Variants in EPC2 observed in about 807,000 individuals in gnomAD.
The protein encoded by EPC2 is enhancer of polycomb 2.
Under a neutral mutation model 92.1 loss-of-function variants are expected in EPC2, and 14 were observed. The ratio of observed to expected loss-of-function variants is 0.15; its 90% CI spans 0.10 to 0.24. EPC2 has a LOEUF of 0.24. Ranked by LOEUF, EPC2 falls within the 10% of genes least tolerant of loss-of-function variation. The pLI, the probability that EPC2 is intolerant of heterozygous loss-of-function variation, is 1.00. For synonymous variants in EPC2, 340 were observed against 334.7 expected (o/e 1.02, Z -0.17); for missense variants, 755 against 971.5 (o/e 0.78, Z 2.96).
At chr2:148,650,285 A>G (rs1680651260) in intron 1 of EPC2, among the ~76,000 whole-genome samples, 1 of 152,076 alleles carries the variant, frequency 6.6e-6, no homozygotes, top group Admixed American at 6.6e-5. Flanking sequence ...CCCAATATCT[A>G]TCTATATATA....
At chr2:148,781,452 G>A (rs1683745769) in intron 10 of EPC2, among the ~76,000 whole-genome samples, 192 bp from the exon 11 acceptor site, 1 of 152,138 alleles carries the variant, frequency 6.6e-6, no homozygotes, top group Non-Finnish European at 1.5e-5. Flanking sequence ...ATGTGATGGA[G>A]ATTATAAATA....
intron 3 of EPC2, among the ~76,000 whole-genome samples, chr2:148,748,498 T>C (rs1210306151): frequency 6.6e-6 from 1 of 152,012 alleles, no homozygotes; most frequent in Non-Finnish European, 1.5e-5. Flanking sequence ...ACCAGTTTTT[T>C]GTTCCACAAT....
chr2:148,759,242 A>G (rs1683252878), intron 4 of EPC2, among the ~76,000 whole-genome samples: 2 of 151,988 alleles, frequency 1.3e-5, no homozygotes, highest in Admixed American at 6.6e-5. Flanking sequence ...ACAGGCGCCC[A>G]TCACCACACC....
At position 148,713,462 on chromosome 2, in the gene EPC2, TAA is replaced by T. The variant is rs149739410; in HGVS notation, c.313+23092_313+23093del. The stretch of plus-strand genomic sequence containing the variant: ...ACAAAAGAGACAAAAAGTTAAAAAG[TAA>T]AAGTTTATAAAGTGAAAAAGTTACA... On this transcript the variant is annotated intron_variant, in intron 2 of 13. Coordinates refer to ENST00000258484, the MANE Select transcript of EPC2 (RefSeq NM_015630.4). 8.0e-3 allele frequency among the ~76,000 whole-genome samples: 1,218 copies of T among 152,260 alleles called. 19 individuals are homozygous for T. The highest frequency in any genetic ancestry group is 0.027 in the African/African-American group (1,139 of 41,548).
At chr2:148,761,985 A>G in intron 5 of EPC2, 55 bp downstream of exon 5, 2 of 1,446,154 alleles carry the variant, frequency 1.4e-6, no homozygotes, top group African/African-American at 1.5e-5. Context: ...ATGATGGGCA[A>G]AATGAACCAA....
At chr2:148,772,033 A>G (rs1574634805) in intron 10 of EPC2, among the ~76,000 whole-genome samples, 1 of 152,136 alleles carries the variant, frequency 6.6e-6, no homozygotes, top group Non-Finnish European at 1.5e-5. Context: ...TCCTGACCTC[A>G]GGTGATCCAC....
chr2:148,743,197 A>G (rs775566926), intron 2 of EPC2, among the ~76,000 whole-genome samples: 3 of 152,032 alleles, frequency 2.0e-5, no homozygotes, highest in Non-Finnish European at 2.9e-5. Context: ...TGTTATGCCA[A>G]CACTCTTTTT....
chr2:148,774,666 T>C (rs1027879709), intron 10 of EPC2, among the ~76,000 whole-genome samples: 1 of 146,374 alleles, frequency 6.8e-6, no homozygotes, highest in African/African-American at 2.5e-5. Flanking sequence ...TTATCTTTTA[T>C]ATACTTGAAG....
chr2:148,724,484 A>G (rs974356985), intron 2 of EPC2, among the ~76,000 whole-genome samples: 1 of 152,078 alleles, frequency 6.6e-6, no homozygotes, highest in African/African-American at 2.4e-5. Flanking sequence ...AATTTTTTTT[A>G]AAGTCTCGTT....
At chr2:148,723,215 T>A (rs1192247220) in intron 2 of EPC2, among the ~76,000 whole-genome samples, 1 of 152,200 alleles carries the variant, frequency 6.6e-6, no homozygotes, top group Non-Finnish European at 1.5e-5. Context: ...GATAAAATTG[T>A]TTCTCTTGAT....
intron 2 of EPC2, among the ~76,000 whole-genome samples, chr2:148,707,849 G>A (rs1682037745): frequency 1.3e-5 from 2 of 152,198 alleles, no homozygotes; most frequent in Admixed American, 6.5e-5. Flanking sequence ...ATTTAAAGCA[G>A]TGTGTGAGGG....
intron 2 of EPC2, among the ~76,000 whole-genome samples, chr2:148,701,975 G>T (rs899477977): frequency 6.6e-6 from 1 of 151,916 alleles, no homozygotes; most frequent in Admixed American, 6.6e-5. Context: ...TCTGTAAGTT[G>T]TCAATTTATG....
intron 2 of EPC2, chr2:148,692,033 T>C: frequency 3.1e-6 from 1 of 327,184 alleles, no homozygotes; most frequent in South Asian, 2.6e-5. Flanking sequence ...AATATTAGGT[T>C]CTTTGTAATT....
At chr2:148,752,624 T>C (rs1683101639) in intron 3 of EPC2, among the ~76,000 whole-genome samples, 1 of 152,176 alleles carries the variant, frequency 6.6e-6, no homozygotes, top group African/African-American at 2.4e-5. Flanking sequence ...TAAATGTAAT[T>C]GTGACATGGA....
intron 13 of EPC2, 91 bp downstream of exon 13, chr2:148,785,092 G>A: frequency 9.7e-7 from 1 of 1,031,122 alleles, no homozygotes; most frequent in Non-Finnish European, 1.3e-6. Flanking sequence ...TCAAGCAATA[G>A]GTGTTTATTG....
chr2:148,661,293 C>T (rs557012067), intron 1 of EPC2, among the ~76,000 whole-genome samples: 62 of 152,228 alleles, frequency 4.1e-4, no homozygotes, highest in Admixed American at 2.7e-3. Context: ...GGAATCTCAT[C>T]TATTTGGTAT....
Position 148,785,138 on chromosome 2 carries a change from A to G in EPC2, c.2351+137A>G, listed in dbSNP as rs187719632. The G allele has an allele frequency of 3.6e-3, 2,524 of 699,486 alleles. 25 individuals carry two copies. Among genetic ancestry groups the G allele is most frequent in the Non-Finnish European group, 4.0e-3 (1,872 of 465,860 alleles). 43.3% of individuals were successfully genotyped at this position (699,486 alleles called of 1,614,324 possible). A position where few individuals can be genotyped will look rare whatever the true frequency, so the allele number is the denominator to read the frequency against. On this transcript the variant is annotated intron_variant, in intron 13 of 13. Transcript: ENST00000258484. ...TTTTCAATAGATACTGAAGATCTGTATAAAGCTCTGTGACTTAGGTATTTG... is the reference window on the plus strand; with the variant it reads ...TTTTCAATAGATACTGAAGATCTGTGTAAAGCTCTGTGACTTAGGTATTTG...
intron 4 of EPC2, among the ~76,000 whole-genome samples, chr2:148,759,329 G>A (rs1366807828): frequency 1.3e-5 from 2 of 152,172 alleles, no homozygotes; most frequent in Non-Finnish European, 2.9e-5. Flanking sequence ...CTGACCCCAG[G>A]TGATCCGACC....
chr2:148,650,484 C>T (rs1680659429), intron 1 of EPC2, among the ~76,000 whole-genome samples: 1 of 152,084 alleles, frequency 6.6e-6, no homozygotes, highest in South Asian at 2.1e-4. Flanking sequence ...AAGTAACTCT[C>T]ATAGGTGTGT....
Sources: allele counts gnomAD v4.1 joint callset (sites outside exome capture counted in the v4.1 genomes callset), GRCh38; gene constraint gnomAD v4.1.1; transcripts MANE v1.5; gene names NCBI Gene and HGNC (gene_info 2026-07-23, HGNC 2026-07-21).